Variants in LRRC3C observed in about 807,000 individuals in gnomAD.
LRRC3C encodes the protein leucine-rich repeat-containing protein 3C.
Under a neutral mutation model 14.8 loss-of-function variants are expected in LRRC3C, and 11 were observed. The ratio of observed to expected loss-of-function variants is 0.74; its 90% CI spans 0.47 to 1.23. The LOEUF (loss-of-function observed/expected upper bound fraction) is 1.23. Among genes scored for constraint, LRRC3C ranks in the 50% most tolerant of loss-of-function variants. The probability of loss-of-function intolerance (pLI) is 0.00; values close to 1 mark genes in which losing one functional copy is unlikely to be tolerated. For missense variants in LRRC3C, 354 were observed against 361.8 expected, an observed-to-expected ratio of 0.98 and a Z score of 0.18; for synonymous variants, 149 against 161.5, an observed-to-expected ratio of 0.92 and a Z score of 0.59.
intron 3 of LRRC3C, among the ~76,000 whole-genome samples, chr17:39,942,544 G>A (rs1978966961): frequency 6.6e-6 from 1 of 152,146 alleles, no homozygotes; most frequent in South Asian, 2.1e-4. Flanking sequence ...ACTCAGAGAT[G>A]ACCACATCAG....
chr17:39,943,166 G>T (rs950764846), intron 3 of LRRC3C, among the ~76,000 whole-genome samples: 2 of 152,162 alleles, frequency 1.3e-5, no homozygotes, highest in Non-Finnish European at 2.9e-5. Flanking sequence ...CAACACTCTT[G>T]GGTCCCAGCC....
intron 2 of LRRC3C, chr17:39,939,273 G>A: frequency 1.2e-6 from 1 of 802,824 alleles, no homozygotes; most frequent in Non-Finnish European, 1.5e-6. Flanking sequence ...TGTTAATCTG[G>A]TAGTAGGAGG....
rs1366305576 is a variant in LRRC3C at position 39,944,752 on chromosome 17, C to T, written c.*18C>T. The T allele has an allele frequency of 6.5e-7, 1 of 1,533,788 alleles. No individual in the cohort carries two copies. The highest frequency in any genetic ancestry group is 8.7e-7 in the Non-Finnish European group (1 of 1,145,252). ...TGGTCTGATGACCCAGGATGCTCCT[C>T]CAGCCACACCCCACACTCCTGCCCC... On this transcript the variant is annotated 3_prime_UTR_variant, in exon 4 of 4. Transcript: ENST00000377924.
intron 1 of LRRC3C, among the ~76,000 whole-genome samples, chr17:39,934,370 A>G (rs1312230807): frequency 1.3e-5 from 2 of 152,162 alleles, no homozygotes; most frequent in Non-Finnish European, 2.9e-5. Context: ...AAGACCCCCT[A>G]GCTCCCTACC....
chr17:39,938,040 G>A (rs1309353214), intron 2 of LRRC3C, among the ~76,000 whole-genome samples: 1 of 152,206 alleles, frequency 6.6e-6, no homozygotes, highest in Non-Finnish European at 1.5e-5. Context: ...GCTGAGGCAG[G>A]AGAATCTCTT....
intron 1 of LRRC3C, among the ~76,000 whole-genome samples, chr17:39,932,358 G>A (rs1465634787): frequency 6.6e-6 from 1 of 152,136 alleles, no homozygotes; most frequent in Non-Finnish European, 1.5e-5. Context: ...TTCCACATTT[G>A]AATGATATTT....
Position 39,927,807 on chromosome 17 carries a change from G to T in LRRC3C, c.-182G>T. 1 of 985,506 alleles carries T rather than the reference G, an allele frequency of 1.0e-6. No homozygotes were observed. The highest frequency in any genetic ancestry group is 1.2e-6 in the Non-Finnish European group (1 of 829,962). The allele number at this position is 985,506 out of a possible 1,614,324, so 61.0% of individuals were successfully genotyped here. A position where few individuals can be genotyped will look rare whatever the true frequency, so the allele number is the denominator to read the frequency against. ...GACGTGATGGTCAGATCGGATGATA[G>T]AATTTTGGTGCGTAACAATTCCAAC... On this transcript the variant is annotated 5_prime_UTR_variant, in exon 1 of 4. An upstream open reading frame in the 5' UTR gains an earlier in-frame stop. Coordinates refer to ENST00000377924, the MANE Select transcript of LRRC3C (RefSeq NM_001195545.2).
intron 1 of LRRC3C, among the ~76,000 whole-genome samples, chr17:39,929,678 T>C (rs1978593445): frequency 2.0e-5 from 3 of 152,184 alleles, no homozygotes; most frequent in Admixed American, 2.0e-4. Flanking sequence ...ATTACACTTT[T>C]GGTAGCATAT....
intron 2 of LRRC3C, 145 bp downstream of exon 2, chr17:39,936,039 C>T (rs1978786311): frequency 4.1e-6 from 1 of 241,484 alleles, no homozygotes; most frequent in Non-Finnish European, 6.7e-6. Flanking sequence ...TGCTGAACTT[C>T]TTTCCCCTGT....
At chr17:39,927,952 C>G (rs1978531664) in intron 1 of LRRC3C, 138 bp downstream of exon 1, 2 of 823,272 alleles carry the variant, frequency 2.4e-6, no homozygotes, top group African/African-American at 3.7e-5. Flanking sequence ...GATCGAAACC[C>G]AAATATTCTG....
intron 2 of LRRC3C, among the ~76,000 whole-genome samples, chr17:39,938,534 C>CAA (rs555897366): frequency 0.046 from 5,340 of 115,516 alleles, 339 homozygotes; most frequent in African/African-American, 0.15. Context: ...CTCATCTCTA[C>CAA]AAAAAAAAAA....
chr17:39,930,396 TAAAAAAAAAAA>T (rs34932103), intron 1 of LRRC3C, among the ~76,000 whole-genome samples: 11 of 48,612 alleles, frequency 2.3e-4, no homozygotes, highest in African/African-American at 5.1e-4. Context: ...AAACTGACTT[TAAAAAAAAAAA>T]AAAAAAAAAA....
intron 1 of LRRC3C, chr17:39,934,750 CA>C (rs1169747176): frequency 6.6e-6 from 1 of 152,164 alleles, no homozygotes; most frequent in Non-Finnish European, 1.5e-5. Context: ...AAAGTAAAAG[CA>C]AGTTTATTAA....
At chr17:39,942,352 G>A (rs904765990) in intron 3 of LRRC3C, among the ~76,000 whole-genome samples, 17 of 152,164 alleles carry the variant, frequency 1.1e-4, no homozygotes, top group African/African-American at 3.1e-4. Flanking sequence ...GTGGTATCAC[G>A]GAGTGGCGTG....
chr17:39,936,107 C>G (rs868767210), intron 2 of LRRC3C, among the ~76,000 whole-genome samples: 3 of 152,192 alleles, frequency 2.0e-5, no homozygotes, highest in South Asian at 2.1e-4. Flanking sequence ...GTGACTCAGA[C>G]TGCCGAGGGT....
chr17:39,944,293 A>G lies in LRRC3C; in HGVS notation c.387A>G (p.Thr129=), dbSNP rs1438804383. 1.3e-6 allele frequency: 2 copies of G among 1,535,274 alleles called. No individual in the cohort carries two copies. The highest frequency in any genetic ancestry group is 1.2e-5 in the South Asian group (1 of 83,908). Residue 129 remains threonine, a synonymous_variant, in exon 4 of 4, where the codon ACA becomes ACG. Coordinates refer to ENST00000377924, the MANE Select transcript of LRRC3C (RefSeq NM_001195545.2). Reference sequence around the variant, plus strand: ...CGGCTTTCCAGGGCCTGGAGGGCACATTGCGCCACCTCGACCTCTCTGCCA... The same window carrying G: ...CGGCTTTCCAGGGCCTGGAGGGCACGTTGCGCCACCTCGACCTCTCTGCCA... ...SGAAFQGLEG[T]LRHLDLSANQ... is the part of the protein sequence containing the mutation.
At chr17:39,939,451 T>C (rs1978883197) in intron 2 of LRRC3C, 1 of 975,062 alleles carries the variant, frequency 1.0e-6, no homozygotes, top group African/African-American at 1.8e-5. Flanking sequence ...TAGACATACC[T>C]GAGGAGCTTT....
At chr17:39,938,667 G>A (rs1220135563) in intron 2 of LRRC3C, among the ~76,000 whole-genome samples, 2 of 151,830 alleles carry the variant, frequency 1.3e-5, no homozygotes, top group African/African-American at 4.8e-5. Flanking sequence ...TTGCATTCCA[G>A]CCCGGGCAAC....
chr17:39,941,590 C>T (rs370234526), intron 3 of LRRC3C, 41 bp downstream of exon 3: 42 of 1,522,484 alleles, frequency 2.8e-5, no homozygotes, highest in East Asian at 9.8e-5. Flanking sequence ...ACCCCACTCT[C>T]CTGTTCTCTT....
Sources: allele counts gnomAD v4.1 joint callset (sites outside exome capture counted in the v4.1 genomes callset), GRCh38; gene constraint gnomAD v4.1.1; transcripts MANE v1.5; gene names NCBI Gene and HGNC (gene_info 2026-07-23, HGNC 2026-07-21).